The following COG3 variants were observed in gnomAD, a reference collection of about 807,000 sequenced individuals.
COG3 encodes conserved oligomeric Golgi complex subunit 3.
In COG3, 32 loss-of-function variants were observed where a neutral mutation model predicts 114.1. The observed-to-expected ratio is 0.28, with a 90% CI of 0.21 to 0.38. The LOEUF (loss-of-function observed/expected upper bound fraction) is 0.38. Among genes scored for constraint, COG3 ranks in the 10% least tolerant of loss-of-function variants. COG3 has a pLI of 1.00. For missense variants in COG3, 813 were observed against 973.2 expected, an observed-to-expected ratio of 0.84 and a Z score of 2.19; for synonymous variants, 352 against 365.7, an observed-to-expected ratio of 0.96 and a Z score of 0.43.
chr13:45,525,193 G>A, intron 20 of COG3, 142 bp downstream of exon 20: 1 of 571,038 alleles, frequency 1.8e-6, no homozygotes, highest in South Asian at 3.1e-5. Flanking sequence ...ATTCAATTTG[G>A]AGCTGACAGG....
chr13:45,503,468 A>G (rs1869763284), intron 14 of COG3, 119 bp downstream of exon 14: 5 of 595,036 alleles, frequency 8.4e-6, no homozygotes, highest in Non-Finnish European at 1.2e-5. Context: ...CCCACACTTT[A>G]TGGGGGGAGA....
intron 2 of COG3, among the ~76,000 whole-genome samples, 161 bp from the exon 3 acceptor site, chr13:45,478,844 A>T (rs1018214014): frequency 1.3e-5 from 2 of 152,208 alleles, no homozygotes; most frequent in African/African-American, 4.8e-5. Context: ...TATTGTGGAT[A>T]TAATTAAACT....
chr13:45,493,286 A>G (rs1887128971), intron 11 of COG3, 61 bp from the exon 12 acceptor site: 1 of 1,379,762 alleles, frequency 7.2e-7, no homozygotes, highest in African/African-American at 1.4e-5. Flanking sequence ...GAGGATTTCT[A>G]AATTATTACA....
At position 45,492,183 on chromosome 13, in the gene COG3, G is replaced by C. The variant is rs144283332; in HGVS notation, c.1120G>C (p.Val374Leu). Residue 374 changes from valine to leucine, a missense_variant, in exon 11 of 23, where the codon GTT becomes CTT. This residue lies in a region of COG3 where 389 missense variants were observed against 542.6 expected (regional missense o/e 0.72). Transcript: ENST00000349995. ...GGTTCGTAGTGGCTGTGCCTTCATG[G>C]TTCATGTCTGCCAGGATGAACACCA... is the stretch of plus-strand genomic sequence containing the variant. ...ALVRSGCAFM[V>L]HVCQDEHQLY... is the part of the protein sequence containing the mutation. 6 of 1,610,306 alleles carry C rather than the reference G, an allele frequency of 3.7e-6. No individual in the cohort carries two copies. The Admixed American group carries it at 1.0e-4, about 27-fold the overall frequency.
At chr13:45,530,031 G>C in intron 21 of COG3, 113 bp downstream of exon 21, 1 of 1,184,470 alleles carries the variant, frequency 8.4e-7, no homozygotes, top group Non-Finnish European at 1.1e-6. Flanking sequence ...TACTGTTCTA[G>C]TGAAGTTGAA....
intron 16 of COG3, 31 bp downstream of exon 16, chr13:45,511,885 T>C: frequency 1.3e-6 from 2 of 1,530,720 alleles, no homozygotes; most frequent in Non-Finnish European, 9.1e-7. Context: ...AAATCCTGTT[T>C]CCTGGTAAAA....
chr13:45,466,019 A>G (rs1206697713), intron 1 of COG3, among the ~76,000 whole-genome samples: 2 of 152,144 alleles, frequency 1.3e-5, no homozygotes, highest in African/African-American at 4.8e-5. Context: ...ATTATTTTAT[A>G]TAAGCAGTGG....
At chr13:45,489,811 T>G (rs564393405) in intron 8 of COG3, among the ~76,000 whole-genome samples, 2 of 101,418 alleles carry the variant, frequency 2.0e-5, no homozygotes, top group South Asian at 8.2e-4. Context: ...TAGCAAAAAT[T>G]CCAATGGATT....
At chr13:45,508,353 C>G (rs954248122) in intron 14 of COG3, among the ~76,000 whole-genome samples, 5 of 147,134 alleles carry the variant, frequency 3.4e-5, no homozygotes, top group African/African-American at 9.9e-5. Context: ...AACTTGGATT[C>G]AAGACTTAAC....
chr13:45,470,115 C>T (rs968803473), intron 1 of COG3, among the ~76,000 whole-genome samples: 1 of 152,116 alleles, frequency 6.6e-6, no homozygotes, highest in African/African-American at 2.4e-5. Context: ...TCTGTCTTTT[C>T]CTTATACTCT....
Position 45,491,506 on chromosome 13 carries a change from A to T in COG3, c.1063A>T (p.Thr355Ser). The change falls in exon 10 of 23, where the codon ACC (threonine) becomes TCC (serine). Residue 355 changes from threonine to serine, a missense_variant. By Grantham distance (58) the Thr-to-Ser change is moderately conservative. Transcript: ENST00000349995. ...TATTGCTTGCACTGTTGCAGAGTTA[A>T]CCAGCCAAAATAATAGAGATCACTG... Reference protein sequence around the residue: ...PSIACTVAELTSQNNRDHCAL... With the variant: ...PSIACTVAELSSQNNRDHCAL... 6.2e-7 allele frequency: 1 copy of T among 1,613,384 alleles called. No homozygotes were observed.
At chr13:45,508,068 T>TAAAAAAAAAAAAAA (rs10571583) in intron 14 of COG3, among the ~76,000 whole-genome samples, 8 of 32,270 alleles carry the variant, frequency 2.5e-4, no homozygotes, top group African/African-American at 7.6e-4. Flanking sequence ...AGGTCCAACC[T>TAAAAAAAAAAAAAA]AAAAAAAAAA....
At chr13:45,474,470 T>C (rs529370519) in intron 1 of COG3, among the ~76,000 whole-genome samples, 2 of 152,270 alleles carry the variant, frequency 1.3e-5, no homozygotes, top group South Asian at 2.1e-4. Context: ...CCTTCTTTTT[T>C]ACTCCTTATA....
At chr13:45,498,423 C>T (rs1044267084) in intron 13 of COG3, among the ~76,000 whole-genome samples, 2 of 148,292 alleles carry the variant, frequency 1.3e-5, no homozygotes, top group African/African-American at 2.5e-5. Context: ...GCAGTGGCGC[C>T]ATCTTGGCTT....
chr13:45,470,882 A>T (rs1158200893), intron 1 of COG3, among the ~76,000 whole-genome samples: 1 of 152,190 alleles, frequency 6.6e-6, no homozygotes, highest in Admixed American at 6.5e-5. Context: ...TTCTGACTTT[A>T]TGTGAAAGCT....
chr13:45,500,643 C>T (rs1566257538), intron 13 of COG3, among the ~76,000 whole-genome samples: 1 of 152,250 alleles, frequency 6.6e-6, no homozygotes, highest in Non-Finnish European at 1.5e-5. Flanking sequence ...GCTCCTATTA[C>T]CAAGATCTTC....
At chr13:45,503,431 T>C in intron 14 of COG3, 82 bp downstream of exon 14, 1 of 756,378 alleles carries the variant, frequency 1.3e-6, no homozygotes, top group Non-Finnish European at 2.3e-6. Flanking sequence ...GTCCCAGACA[T>C]GAAAAACAAC....
At chr13:45,470,137 A>G (rs1044866926) in intron 1 of COG3, among the ~76,000 whole-genome samples, 2 of 152,230 alleles carry the variant, frequency 1.3e-5, no homozygotes, top group African/African-American at 4.8e-5. Context: ...TTGAAGAGAC[A>G]TTTTAAAATG....
Position 45,483,211 on chromosome 13 carries a change from C to A in COG3, c.718-19C>A. ...CTGTGTTCATTTCCACTTTGTAAAT[C>A]TTTCTCTTTTCCTTACAGCCTAATT... is the stretch of plus-strand genomic sequence containing the variant. On this transcript the variant is annotated intron_variant, in intron 6 of 22. Coordinates refer to ENST00000349995, the MANE Select transcript of COG3 (RefSeq NM_031431.4). 1 of 1,564,286 alleles carries A rather than the reference C, an allele frequency of 6.4e-7. No individual in the cohort carries two copies. Among genetic ancestry groups the A allele is most frequent in the Non-Finnish European group, 8.7e-7 (1 of 1,145,374 alleles).
Sources: allele counts gnomAD v4.1 joint callset (sites outside exome capture counted in the v4.1 genomes callset), GRCh38; gene constraint gnomAD v4.1.1; regional missense constraint gnomAD v4.1.1; transcripts MANE v1.5; gene names NCBI Gene and HGNC (gene_info 2026-07-23, HGNC 2026-07-21).